Variants in GRHL2 observed in about 807,000 individuals in gnomAD.
GRHL2 encodes grainyhead-like protein 2 homolog.
A neutral mutation model predicts 83.8 loss-of-function variants in GRHL2; 21 were observed. The observed-to-expected ratio is 0.25, with a 90% confidence interval of 0.18 to 0.36. The LOEUF (loss-of-function observed/expected upper bound fraction) is 0.36, where lower values mean the gene tolerates loss of function less well. Among genes scored for constraint, GRHL2 ranks in the 10% least tolerant of loss-of-function variants. The pLI, the probability that GRHL2 is intolerant of heterozygous loss-of-function variation, is 1.00. For synonymous variants in GRHL2, 280 were observed against 278.9 expected (o/e 1.00, Z -0.04); for missense variants, 623 against 781.8 (o/e 0.80, Z 2.42).
At chr8:101,557,589 G>A (rs6994300) in intron 3 of GRHL2, among the ~76,000 whole-genome samples, 11,392 of 152,168 alleles carry the variant, frequency 0.075, 1,331 homozygotes, top group African/African-American at 0.25. Context: ...CCCATTGCCT[G>A]ATAATTGCCT....
intron 1 of GRHL2, among the ~76,000 whole-genome samples, chr8:101,503,693 G>T (rs893705734): frequency 1.2e-4 from 19 of 152,084 alleles, no homozygotes; most frequent in African/African-American, 3.6e-4. Flanking sequence ...GGCTATCAAG[G>T]GTTGGTTTAG....
At chr8:101,657,870 C>CAAAG (rs959360760) in intron 14 of GRHL2, among the ~76,000 whole-genome samples, 1 of 151,548 alleles carries the variant, frequency 6.6e-6, no homozygotes, top group African/African-American at 2.4e-5. Flanking sequence ...AAGAAAAACA[C>CAAAG]AAAGAAAAAA....
chr8:101,555,401 A>G (rs1167671215), intron 3 of GRHL2, among the ~76,000 whole-genome samples: 1 of 151,882 alleles, frequency 6.6e-6, no homozygotes, highest in Non-Finnish European at 1.5e-5. Flanking sequence ...TACTGGGTTC[A>G]TGATGTTTGC....
intron 7 of GRHL2, among the ~76,000 whole-genome samples, chr8:101,587,124 G>A (rs1812185281): frequency 6.6e-6 from 1 of 152,128 alleles, no homozygotes; most frequent in African/African-American, 2.4e-5. Context: ...AGGTAGATGT[G>A]GAATTAAAAC....
intron 9 of GRHL2, among the ~76,000 whole-genome samples, chr8:101,623,088 T>C (rs982576620): frequency 3.9e-5 from 6 of 152,180 alleles, no homozygotes; most frequent in Admixed American, 1.3e-4. Flanking sequence ...TGTCCGAGAG[T>C]TCTGGTTTAG....
intron 14 of GRHL2, among the ~76,000 whole-genome samples, chr8:101,662,666 C>T (rs2129760172): frequency 6.6e-6 from 1 of 152,266 alleles, no homozygotes; most frequent in Admixed American, 6.5e-5. Context: ...ACATTTAGGG[C>T]AGGGCTTTCC....
At chr8:101,601,444 T>C (rs2130318435) in intron 8 of GRHL2, among the ~76,000 whole-genome samples, 1 of 152,114 alleles carries the variant, frequency 6.6e-6, no homozygotes, top group African/African-American at 2.4e-5. Context: ...TAATGTGGAG[T>C]TGAGTTGATC....
intron 1 of GRHL2, among the ~76,000 whole-genome samples, chr8:101,496,237 G>GT (rs1810101764): frequency 6.6e-6 from 1 of 151,764 alleles, no homozygotes; most frequent in Admixed American, 6.6e-5. Flanking sequence ...CATTTTGTGT[G>GT]TTTTTTGTTA....
chr8:101,681,152 A>G, the GRHL2 span, among the ~76,000 whole-genome samples: 1 of 150,094 alleles, frequency 6.7e-6, no homozygotes, highest in African/African-American at 2.5e-5. Context: ...GTTTTTTATA[A>G]GGATCAACAA....
intron 4 of GRHL2, among the ~76,000 whole-genome samples, chr8:101,565,589 G>A (rs1452450690): frequency 1.3e-5 from 2 of 152,166 alleles, no homozygotes; most frequent in African/African-American, 4.8e-5. Context: ...GCAGAGGAAG[G>A]GAGGCCATGG....
chr8:101,512,927 G>A (rs937569758), intron 1 of GRHL2, among the ~76,000 whole-genome samples: 5 of 152,186 alleles, frequency 3.3e-5, no homozygotes, highest in Admixed American at 2.6e-4. Context: ...CTCTGGTGAA[G>A]TCCTTCTTCT....
chr8:101,514,882 C>T (rs62519085), intron 1 of GRHL2, among the ~76,000 whole-genome samples: 6,049 of 151,980 alleles, frequency 0.04, 198 homozygotes, highest in African/African-American at 0.085. Flanking sequence ...TCCTCCTCTA[C>T]TCTCTGTCCT....
At chr8:101,575,294 T>C (rs1327796286) in intron 6 of GRHL2, among the ~76,000 whole-genome samples, 1 of 151,802 alleles carries the variant, frequency 6.6e-6, no homozygotes, top group Non-Finnish European at 1.5e-5. Context: ...CTGGAAAAAA[T>C]GGTGGGTGGT....
At chr8:101,577,387 C>T in intron 6 of GRHL2, 21 bp from the exon 7 acceptor site, 1 of 1,530,848 alleles carries the variant, frequency 6.5e-7, no homozygotes, top group Non-Finnish European at 9.0e-7. Context: ...AAAGTAAGCT[C>T]CACGATTCTC....
At chr8:101,672,961 T>G (rs563239472), downstream of GRHL2, among the ~76,000 whole-genome samples, 12 of 151,248 alleles carry the variant, frequency 7.9e-5, no homozygotes, top group East Asian at 2.1e-3. Flanking sequence ...CTAAGCTTCA[T>G]AAGTGAAGGA....
At chr8:101,659,475 A>AT (rs35275125) in intron 14 of GRHL2, among the ~76,000 whole-genome samples, 1 of 152,116 alleles carries the variant, frequency 6.6e-6, no homozygotes, top group Non-Finnish European at 1.5e-5. Flanking sequence ...TCCTTCAAGG[A>AT]TTTTTTCCAG....
chr8:101,654,188 T>C (rs1813736111), intron 14 of GRHL2, among the ~76,000 whole-genome samples: 1 of 152,210 alleles, frequency 6.6e-6, no homozygotes, highest in Admixed American at 6.5e-5. Flanking sequence ...AATTCACAAC[T>C]CCAAATGTAA....
chr8:101,646,056 G>A (rs1299194080), intron 13 of GRHL2, among the ~76,000 whole-genome samples: 3 of 151,892 alleles, frequency 2.0e-5, no homozygotes, highest in African/African-American at 7.3e-5. Context: ...TGGTAGAGAT[G>A]GGGTTTCACT....
chr8:101,571,765 C>T (rs1266549039), intron 5 of GRHL2, among the ~76,000 whole-genome samples: 1 of 152,132 alleles, frequency 6.6e-6, no homozygotes, highest in African/African-American at 2.4e-5. Flanking sequence ...CACTCATCCT[C>T]CCCAGATCAT....
Sources: gnomAD v4.1 joint callset for allele counts (sites outside exome capture counted in the v4.1 genomes callset) on GRCh38, gnomAD v4.1.1 for gene constraint, MANE v1.5 for transcripts, NCBI Gene and HGNC (gene_info 2026-07-23, HGNC 2026-07-21) for gene names.